Variants in MBP observed in about 807,000 individuals in gnomAD.
The protein encoded by MBP is myelin basic protein.
MBP carries 16 observed loss-of-function variants against 35.8 expected under a neutral mutation model. The ratio of observed to expected loss-of-function variants is 0.45; its 90% CI spans 0.30 to 0.68. The LOEUF (loss-of-function observed/expected upper bound fraction) is 0.68. MBP is among the 30% of genes least tolerant of loss of function. The probability of loss-of-function intolerance (pLI) is 0.08; values close to 1 mark genes in which losing one functional copy is unlikely to be tolerated. For missense variants in MBP, 380 were observed against 404.7 expected (o/e 0.94, Z 0.52); for synonymous variants, 143 against 159.6 (o/e 0.90, Z 0.78).
chr18:77,028,363 A>G (rs1972320903), intron 3 of MBP, among the ~76,000 whole-genome samples: 1 of 131,998 alleles, frequency 7.6e-6, no homozygotes, highest in African/African-American at 2.6e-5. Flanking sequence ...AGTACAGAAC[A>G]AAATGAAAAG....
chr18:77,037,340 G>A (rs1193326982), intron 3 of MBP, among the ~76,000 whole-genome samples: 2 of 152,216 alleles, frequency 1.3e-5, no homozygotes, highest in South Asian at 4.1e-4. Flanking sequence ...TGGAGACAGA[G>A]CTGAGCAAGT....
intron 3 of MBP, among the ~76,000 whole-genome samples, chr18:77,056,108 A>T (rs137987188): frequency 1.0e-3 from 154 of 152,306 alleles, no homozygotes; most frequent in African/African-American, 3.5e-3. Flanking sequence ...GGCCGCTGGC[A>T]GTGCATTTCC....
At chr18:77,072,124 C>T (rs548648801) in intron 2 of MBP, among the ~76,000 whole-genome samples, 1 of 152,156 alleles carries the variant, frequency 6.6e-6, no homozygotes, top group African/African-American at 2.4e-5. Flanking sequence ...CCTTTGAAGG[C>T]TCAGGATCCT....
intron 2 of MBP, among the ~76,000 whole-genome samples, chr18:77,077,171 G>A (rs1166346184): frequency 6.6e-6 from 1 of 151,802 alleles, no homozygotes; most frequent in Non-Finnish European, 1.5e-5. Flanking sequence ...GACCAGCCTG[G>A]CCAACATGGT....
At position 77,020,147 on chromosome 18, in the gene MBP, C is replaced by G. The variant is rs190137053; in HGVS notation, c.140-2879G>C. On this transcript the variant is annotated intron_variant, in intron 3 of 8. Coordinates refer to ENST00000355994, the MANE Select transcript of MBP (RefSeq NM_001025101.2). The surrounding 1 kb of genome is among the most constrained non-coding windows in gnomAD (Gnocchi z 4.1). Reference sequence around the variant, plus strand: ...GGGATATGATGGAGATGGTGGTACCCAGAGGCCGGGGGCACCTTGGCTTCC... The same window carrying G: ...GGGATATGATGGAGATGGTGGTACCGAGAGGCCGGGGGCACCTTGGCTTCC... 1.7e-4 allele frequency among the ~76,000 whole-genome samples: 26 copies of G among 152,102 alleles called. No individual in the cohort carries two copies. The East Asian group carries it at 4.8e-3, about 28-fold the overall frequency.
chr18:77,028,930 AC>A (rs1342715359), intron 3 of MBP, among the ~76,000 whole-genome samples: 6 of 84,394 alleles, frequency 7.1e-5, no homozygotes, highest in South Asian at 4.5e-4. Context: ...CACTTTCCAG[AC>A]TGGGCAGCCA....
intron 4 of MBP, among the ~76,000 whole-genome samples, chr18:76,996,668 G>C (rs972672109): frequency 2.0e-5 from 3 of 152,094 alleles, no homozygotes; most frequent in Admixed American, 6.5e-5. Context: ...GCCGGAAAAG[G>C]CTGACCTATA....
chr18:77,069,863 G>A (rs1974361893), intron 2 of MBP, among the ~76,000 whole-genome samples: 1 of 152,292 alleles, frequency 6.6e-6, no homozygotes. Flanking sequence ...AGTGATGGCA[G>A]ACAGGACTCC....
intron 8 of MBP, chr18:76,980,850 G>A: frequency 4.8e-6 from 1 of 207,394 alleles, no homozygotes; most frequent in Non-Finnish European, 9.9e-6. Context: ...GAGGGGAACT[G>A]CCAGCGACAA....
At chr18:77,084,935 G>C (rs1975159877) in intron 2 of MBP, among the ~76,000 whole-genome samples, 1 of 142,920 alleles carries the variant, frequency 7.0e-6, no homozygotes, top group Non-Finnish European at 1.5e-5. Context: ...TAAGAAGGAT[G>C]ATCACATTAA....
rs1975158339 is a variant in MBP at position 77,084,902 on chromosome 18, C to T, written c.52-18517G>A. 2.0e-5 allele frequency among the ~76,000 whole-genome samples: 3 copies of T among 151,962 alleles called. No homozygotes were observed. The South Asian group carries it at 6.2e-4, about 32-fold the overall frequency. On this transcript the variant is annotated intron_variant, in intron 2 of 8. Coordinates refer to ENST00000355994, the MANE Select transcript of MBP (RefSeq NM_001025101.2). ...TGCCATTTATTCCTGGAAGCCACCG[C>T]TCCATCAGCTGGTTAAGTAAAATAA... is the stretch of plus-strand genomic sequence containing the variant.
chr18:76,993,205 G>A (rs995271729), intron 4 of MBP, among the ~76,000 whole-genome samples: 4 of 152,204 alleles, frequency 2.6e-5, no homozygotes, highest in Non-Finnish European at 5.9e-5. Context: ...CCACAAAAGT[G>A]AAGCAGACAA....
intron 4 of MBP, chr18:77,013,114 G>A (rs1471997715): frequency 2.0e-6 from 2 of 985,370 alleles, no homozygotes; most frequent in Non-Finnish European, 1.2e-6. Context: ...ATGAGACTTT[G>A]AGAGGAATGC....
In MBP at chr18:77,020,256, G is replaced by C. The variant is rs916730647; in HGVS notation, c.140-2988C>G. ...GAAAGGTCTCTGGCCTGGGGTGGGG[G>C]AGTGGGGAGAGTGGCTGCAGGTGGC... On this transcript the variant is annotated intron_variant, in intron 3 of 8. Coordinates refer to ENST00000355994, the MANE Select transcript of MBP (RefSeq NM_001025101.2). The surrounding 1 kb of genome is among the most constrained non-coding windows in gnomAD (Gnocchi z 4.1). Among the ~76,000 whole-genome samples, 1 of 152,128 alleles carries C rather than the reference G, an allele frequency of 6.6e-6. No homozygotes were observed. Among genetic ancestry groups the C allele is most frequent in the Non-Finnish European group, 1.5e-5 (1 of 68,016 alleles).
At chr18:77,126,435 C>G (rs535830879) in intron 1 of MBP, among the ~76,000 whole-genome samples, 1 of 152,302 alleles carries the variant, frequency 6.6e-6, no homozygotes, top group East Asian at 1.9e-4. Context: ...CCTATAGCTA[C>G]ATCATAATTG....
intron 4 of MBP, among the ~76,000 whole-genome samples, chr18:76,993,672 T>A (rs770170939): frequency 6.6e-6 from 1 of 152,332 alleles, no homozygotes; most frequent in Non-Finnish European, 1.5e-5. Flanking sequence ...CGATTCTCAT[T>A]CCTGATGAGA....
Position 77,105,293 on chromosome 18 carries a change from G to A in MBP, c.-25-7C>T, listed in dbSNP as rs1383696026. 4 of 1,571,302 alleles carry A rather than the reference G, an allele frequency of 2.5e-6. No homozygotes were observed. Among genetic ancestry groups the A allele is most frequent in the South Asian group, 2.2e-5 (2 of 90,266 alleles). The stretch of plus-strand genomic sequence containing the variant: ...TGGATTGGCTCTTCAGAGGCTAAAA[G>A]AGAAAGAGAAAGTGTCAGCCCTAAG... On this transcript the variant is annotated splice_polypyrimidine_tract_variant and splice_region_variant and intron_variant, in intron 1 of 8. Coordinates refer to ENST00000355994, the MANE Select transcript of MBP (RefSeq NM_001025101.2).
chr18:77,012,999 T>A, intron 4 of MBP: 1 of 985,458 alleles, frequency 1.0e-6, no homozygotes, highest in Non-Finnish European at 1.2e-6. Context: ...AACTATCGTC[T>A]ATTCATACAA....
Position 77,017,252 on chromosome 18 carries a change from G to A in MBP, c.156C>T (p.Asn52=). Residue 52 remains asparagine, a synonymous_variant, in exon 4 of 9, where the codon AAC becomes AAT. Transcript: ENST00000355994. ...CCTGAGAGGAGGTCCCATTGTTCTG[G>A]TTCGCATCTGCCTCTCCTGCAAACA... ...DNEVFGEADA[N]QNNGTSSQDT... is the part of the protein sequence containing the mutation. 1 of 1,511,054 alleles carries A rather than the reference G, an allele frequency of 6.6e-7. No homozygotes were observed. Among genetic ancestry groups the A allele is most frequent in the East Asian group, 2.3e-5 (1 of 43,934 alleles). 93.6% of individuals were successfully genotyped at this position (1,511,054 alleles called of 1,614,324 possible).
Sources: allele counts gnomAD v4.1 joint callset (sites outside exome capture counted in the v4.1 genomes callset), GRCh38; gene constraint gnomAD v4.1.1; non-coding constraint Gnocchi (gnomAD v3.1); transcripts MANE v1.5; gene names NCBI Gene and HGNC (gene_info 2026-07-23, HGNC 2026-07-21).